Variants in FER1L6 observed in about 807,000 individuals in gnomAD.
FER1L6 encodes the protein fer-1-like protein 6.
In FER1L6, 177 loss-of-function variants were observed where a neutral mutation model predicts 219.2. The ratio of observed to expected loss-of-function variants is 0.81; its 90% confidence interval spans 0.71 to 0.91. The LOEUF (loss-of-function observed/expected upper bound fraction) is 0.91. FER1L6 is among the 40% of genes least tolerant of loss of function. The pLI, the probability that FER1L6 is intolerant of heterozygous loss-of-function variation, is 0.00. For synonymous variants in FER1L6, 768 were observed against 824.3 expected (o/e 0.93, Z 1.17); for missense variants, 2,153 against 2,259.9 (o/e 0.95, Z 0.96).
intron 33 of FER1L6, among the ~76,000 whole-genome samples, chr8:124,089,191 C>G (rs1024078332): frequency 6.6e-6 from 1 of 152,228 alleles, no homozygotes; most frequent in Non-Finnish European, 1.5e-5. Flanking sequence ...CTGGGATGGA[C>G]AATTTGCCTG....
At chr8:123,865,458 G>A (rs1049975391) in intron 1 of FER1L6, among the ~76,000 whole-genome samples, 11 of 151,418 alleles carry the variant, frequency 7.3e-5, no homozygotes, top group African/African-American at 2.7e-4. Context: ...TGCCCCCAGA[G>A]GTGGAGCCTA....
chr8:123,923,933 C>A (rs1813461178), intron 1 of FER1L6, among the ~76,000 whole-genome samples: 1 of 124,168 alleles, frequency 8.1e-6, no homozygotes, highest in African/African-American at 3.3e-5. Context: ...GATCGAGACT[C>A]CAACTAAGAA....
chr8:123,981,121 CTCTA>C (rs1816309868), intron 11 of FER1L6, among the ~76,000 whole-genome samples: 1 of 152,134 alleles, frequency 6.6e-6, no homozygotes, highest in African/African-American at 2.4e-5. Flanking sequence ...ATTGATTAAA[CTCTA>C]TCTGTGGCCT....
At chr8:124,114,343 T>C (rs183142342) in intron 39 of FER1L6, among the ~76,000 whole-genome samples, 68 of 152,314 alleles carry the variant, frequency 4.5e-4, no homozygotes, top group African/African-American at 1.6e-3. Flanking sequence ...TTTGTTGTTA[T>C]TGTTATCACT....
intron 11 of FER1L6, among the ~76,000 whole-genome samples, chr8:123,981,287 C>G (rs904678242): frequency 6.6e-6 from 1 of 152,150 alleles, no homozygotes; most frequent in African/African-American, 2.4e-5. Flanking sequence ...GAAATCACAA[C>G]TCTAGGGTAT....
chr8:123,947,960 T>G lies in FER1L6; in HGVS notation c.-7-8032T>G, dbSNP rs146022927. Among the ~76,000 whole-genome samples the G allele has an allele frequency of 3.7e-3, 566 of 152,226 alleles. 4 individuals are homozygous for G. The highest frequency in any genetic ancestry group is 0.013 in the African/African-American group (548 of 41,524). ...AATGGTTCGTGGACAAGAGAGTGTGTGAGTTTAGGAGGAGCTGTCCATCAG... is the reference window on the plus strand; with the variant it reads ...AATGGTTCGTGGACAAGAGAGTGTGGGAGTTTAGGAGGAGCTGTCCATCAG... On this transcript the variant is annotated intron_variant, in intron 1 of 40. Transcript: ENST00000522917.
chr8:124,101,885 A>G (rs1822561343), intron 38 of FER1L6, among the ~76,000 whole-genome samples: 3 of 152,198 alleles, frequency 2.0e-5, no homozygotes, highest in Admixed American at 2.0e-4. Flanking sequence ...TAAGACATCA[A>G]TCAATACATG....
intron 27 of FER1L6, among the ~76,000 whole-genome samples, chr8:124,067,131 T>C (rs1391509188): frequency 6.6e-6 from 1 of 152,176 alleles, no homozygotes; most frequent in African/African-American, 2.4e-5. Flanking sequence ...CAACTGGATA[T>C]GGTAAGATTT....
At position 123,977,628 on chromosome 8, in the gene FER1L6, G is replaced by T; in HGVS notation, c.1063+19G>T. The stretch of plus-strand genomic sequence containing the variant: ...GACAAAGGTAAAGTCCCATCCATCT[G>T]ACTTGAAAAATGTCTCAAAATGCTT... On this transcript the variant is annotated intron_variant, in intron 10 of 40. Transcript: ENST00000522917. The T allele has an allele frequency of 1.2e-6, 2 of 1,610,280 alleles. No individual in the cohort carries two copies. Among genetic ancestry groups the T allele is most frequent in the South Asian group, 2.2e-5 (2 of 90,694 alleles).
At chr8:123,980,874 C>T in intron 11 of FER1L6, 63 bp downstream of exon 11, 1 of 1,363,476 alleles carries the variant, frequency 7.3e-7, no homozygotes, top group Non-Finnish European at 1.0e-6. Context: ...GGGACTGCCC[C>T]TGCCACAGGT....
intron 1 of FER1L6, among the ~76,000 whole-genome samples, chr8:123,941,871 T>G (rs559169407): frequency 2.6e-5 from 4 of 152,210 alleles, no homozygotes; most frequent in African/African-American, 9.6e-5. Flanking sequence ...TTCCAGCTCT[T>G]GCAGTGCCAT....
intron 12 of FER1L6, among the ~76,000 whole-genome samples, chr8:123,989,504 C>T (rs1475875592): frequency 6.6e-6 from 1 of 152,098 alleles, no homozygotes; most frequent in African/African-American, 2.4e-5. Flanking sequence ...TTTTACTGCA[C>T]CTGTCACCCA....
chr8:123,892,927 G>A (rs1050950043), intron 1 of FER1L6, among the ~76,000 whole-genome samples: 28 of 152,112 alleles, frequency 1.8e-4, no homozygotes, highest in African/African-American at 6.8e-4. Context: ...TTCTGAGGTA[G>A]TGTTTAACTT....
chr8:124,019,113 C>T (rs1818336502), intron 16 of FER1L6, among the ~76,000 whole-genome samples: 1 of 152,178 alleles, frequency 6.6e-6, no homozygotes, highest in Non-Finnish European at 1.5e-5. Context: ...TTATCTCAAT[C>T]ATTCATAGGA....
At chr8:124,095,381 A>G (rs555590212) in intron 35 of FER1L6, among the ~76,000 whole-genome samples, 3 of 152,342 alleles carry the variant, frequency 2.0e-5, no homozygotes, top group Non-Finnish European at 2.9e-5. Flanking sequence ...CTTTTGGAAG[A>G]ATATTGGACA....
intron 1 of FER1L6, among the ~76,000 whole-genome samples, chr8:123,897,907 A>G (rs1435061470): frequency 4.6e-5 from 7 of 152,124 alleles, no homozygotes; most frequent in African/African-American, 1.4e-4. Flanking sequence ...TGACTACTCA[A>G]CTCAGCTGTT....
chr8:124,056,072 C>T (rs949281632), intron 22 of FER1L6, among the ~76,000 whole-genome samples: 4 of 152,220 alleles, frequency 2.6e-5, no homozygotes, highest in African/African-American at 9.6e-5. Flanking sequence ...ACATGGGGCC[C>T]ACCCAGATAA....
intron 10 of FER1L6, among the ~76,000 whole-genome samples, chr8:123,978,386 G>A (rs1816184745): frequency 6.6e-6 from 1 of 152,162 alleles, no homozygotes; most frequent in Non-Finnish European, 1.5e-5. Context: ...TTGAGCCAGG[G>A]TGGGAGCTGA....
In FER1L6 at chr8:124,016,923, G is replaced by A. The variant is rs533948491; in HGVS notation, c.1923-705G>A. On this transcript the variant is annotated intron_variant, in intron 15 of 40. Coordinates refer to ENST00000522917, the MANE Select transcript of FER1L6 (RefSeq NM_001039112.2). ...TTGAATCAAATTTAAATTTTGATAG[G>A]TGCTATCAAATAGCCTCTAAAACAC... Among the ~76,000 whole-genome samples the A allele has an allele frequency of 1.4e-4, 22 of 152,046 alleles. No individual in the cohort carries two copies. The East Asian group carries it at 3.1e-3, about 21-fold the overall frequency.
Sources: allele counts gnomAD v4.1 joint callset (sites outside exome capture counted in the v4.1 genomes callset), GRCh38; gene constraint gnomAD v4.1.1; transcripts MANE v1.5; gene names NCBI Gene and HGNC (gene_info 2026-07-23, HGNC 2026-07-21).